Variants in LRP1B observed in about 807,000 individuals in gnomAD.
LRP1B encodes LDL receptor related protein 1B, also known as low-density lipoprotein receptor-related protein 1B.
Under a neutral mutation model 556.6 loss-of-function variants are expected in LRP1B, and 217 were observed. The ratio of observed to expected loss-of-function variants is 0.39; its 90% confidence interval spans 0.35 to 0.44. The LOEUF (loss-of-function observed/expected upper bound fraction) is 0.44. Among genes scored for constraint, LRP1B ranks in the 20% least tolerant of loss-of-function variants. LRP1B has a pLI of 1.00. For missense variants in LRP1B, 5,053 were observed against 5,620.8 expected, an observed-to-expected ratio of 0.90 and a Z score of 3.23; for synonymous variants, 2,047 against 1,865.8, an observed-to-expected ratio of 1.10 and a Z score of -2.50.
intron 86 of LRP1B, among the ~76,000 whole-genome samples, chr2:140,250,591 A>G (rs1681369313): frequency 6.6e-6 from 1 of 151,206 alleles, no homozygotes; most frequent in Admixed American, 6.6e-5. Context: ...TTTCCATAAC[A>G]GTTGTATGTA....
At chr2:140,970,316 G>A (rs561228364) in intron 18 of LRP1B, among the ~76,000 whole-genome samples, 6 of 152,040 alleles carry the variant, frequency 3.9e-5, no homozygotes, top group South Asian at 4.2e-4. Context: ...TGATCGAATC[G>A]GCTACTGACA....
At chr2:140,981,285 A>G (rs1696762141) in intron 18 of LRP1B, among the ~76,000 whole-genome samples, 1 of 152,112 alleles carries the variant, frequency 6.6e-6, no homozygotes, top group East Asian at 1.9e-4. Flanking sequence ...AAGGGTTAAA[A>G]AAACCTATTT....
At chr2:140,494,943 T>C (rs1688853033) in intron 56 of LRP1B, among the ~76,000 whole-genome samples, 1 of 152,154 alleles carries the variant, frequency 6.6e-6, no homozygotes, top group Admixed American at 6.5e-5. Context: ...CATTTAACAG[T>C]CATCATCATA....
intron 7 of LRP1B, among the ~76,000 whole-genome samples, chr2:141,117,319 C>G (rs571494908): frequency 1.4e-5 from 2 of 145,920 alleles, no homozygotes; most frequent in African/African-American, 5.1e-5. Context: ...AGAGATAATT[C>G]TTGGTGTTTT....
intron 1 of LRP1B, among the ~76,000 whole-genome samples, chr2:141,890,373 A>ATATACATATATATGTATT (rs777143469): frequency 2.5e-4 from 15 of 59,218 alleles, no homozygotes; most frequent in African/African-American, 5.5e-4. Flanking sequence ...ATATATATAT[A>ATATACATATATATGTATT]GTGTGTATAC....
intron 7 of LRP1B, among the ~76,000 whole-genome samples, chr2:141,152,680 T>C (rs1701954059): frequency 6.6e-6 from 1 of 151,890 alleles, no homozygotes; most frequent in Non-Finnish European, 1.5e-5. Flanking sequence ...GTATTACACA[T>C]AATAATAGCA....
At chr2:141,423,678 A>G (rs1395674549) in intron 3 of LRP1B, among the ~76,000 whole-genome samples, 1 of 152,058 alleles carries the variant, frequency 6.6e-6, no homozygotes, top group African/African-American at 2.4e-5. Flanking sequence ...CCCAGAACTC[A>G]CTGTGCCTGT....
At chr2:141,627,164 T>C (rs115938452) in intron 2 of LRP1B, among the ~76,000 whole-genome samples, 1,644 of 152,282 alleles carry the variant, frequency 0.011, 34 homozygotes, top group African/African-American at 0.037. Flanking sequence ...GAAACTTAAG[T>C]GCATAATACT....
chr2:140,984,311 CT>C (rs1477151788), intron 17 of LRP1B, among the ~76,000 whole-genome samples: 30 of 151,680 alleles, frequency 2.0e-4, no homozygotes, highest in Non-Finnish European at 4.4e-4. Context: ...TATTTTTTCT[CT>C]TTTCTTTTTC....
chr2:141,592,170 A>G (rs1687364200), intron 2 of LRP1B, among the ~76,000 whole-genome samples: 1 of 152,034 alleles, frequency 6.6e-6, no homozygotes, highest in Admixed American at 6.6e-5. Flanking sequence ...TATTGTTTAT[A>G]TGGCTTTCCT....
intron 2 of LRP1B, among the ~76,000 whole-genome samples, chr2:141,624,471 T>C (rs971927115): frequency 1.3e-5 from 2 of 152,194 alleles, no homozygotes; most frequent in African/African-American, 2.4e-5. Context: ...AGCTAATATA[T>C]ACTTTTTAAA....
At chr2:140,605,520 CCTTTTCTTTTTT>C (rs1682834890) in intron 41 of LRP1B, among the ~76,000 whole-genome samples, 1 of 151,486 alleles carries the variant, frequency 6.6e-6, no homozygotes. Context: ...CTTTTATTTT[CCTTTTCTTTTTT>C]CTTTTCTTTC....
At chr2:141,888,590 T>A (rs1206897492) in intron 1 of LRP1B, among the ~76,000 whole-genome samples, 1 of 152,008 alleles carries the variant, frequency 6.6e-6, no homozygotes, top group Non-Finnish European at 1.5e-5. Context: ...TAGGGGAAAA[T>A]ATGGATGAAA....
At chr2:141,821,373 C>T (rs1696746928) in intron 1 of LRP1B, among the ~76,000 whole-genome samples, 1 of 152,170 alleles carries the variant, frequency 6.6e-6, no homozygotes, top group East Asian at 1.9e-4. Context: ...CCATTAAAGG[C>T]CTTTTTCTCC....
intron 7 of LRP1B, among the ~76,000 whole-genome samples, chr2:141,126,032 C>CTTTTA (rs976954736): frequency 9.0e-6 from 1 of 111,172 alleles, no homozygotes; most frequent in African/African-American, 3.7e-5. Context: ...TACTTTCTTC[C>CTTTTA]TTTTATTTTT....
At chr2:141,276,482 G>A (rs1685290478) in intron 3 of LRP1B, among the ~76,000 whole-genome samples, 1 of 151,784 alleles carries the variant, frequency 6.6e-6, no homozygotes, top group Non-Finnish European at 1.5e-5. Flanking sequence ...AGTGTCTTTT[G>A]TTCCCTTCTT....
intron 19 of LRP1B, among the ~76,000 whole-genome samples, chr2:140,950,897 T>C (rs1453212517): frequency 6.6e-6 from 1 of 151,978 alleles, no homozygotes; most frequent in Non-Finnish European, 1.5e-5. Flanking sequence ...GTGGAAGAAT[T>C]ATTTTCATCT....
chr2:142,015,731 C>G (rs1285361306), intron 1 of LRP1B, among the ~76,000 whole-genome samples: 1 of 151,920 alleles, frequency 6.6e-6, no homozygotes, highest in East Asian at 1.9e-4. Context: ...CAGTGGCTCA[C>G]GTCTGTAATC....
chr2:141,919,072 G>C (rs1304030880), intron 1 of LRP1B, among the ~76,000 whole-genome samples: 2 of 151,850 alleles, frequency 1.3e-5, no homozygotes, highest in Admixed American at 6.6e-5. Context: ...AAAAAGATAA[G>C]TCAAAAGGAA....
Sources: allele counts gnomAD v4.1 joint callset (sites outside exome capture counted in the v4.1 genomes callset), GRCh38; gene constraint gnomAD v4.1.1; transcripts MANE v1.5; gene names NCBI Gene and HGNC (gene_info 2026-07-23, HGNC 2026-07-21).